The following ANKS1B variants were observed in gnomAD, a reference collection of about 807,000 sequenced individuals.
ANKS1B encodes ankyrin repeat and sterile alpha motif domain-containing protein 1B.
In ANKS1B, 36 loss-of-function variants were observed where a neutral mutation model predicts 148.3. That is an observed-to-expected ratio of 0.24 (90% CI 0.19 to 0.32). ANKS1B has a LOEUF of 0.32. Among genes scored for constraint, ANKS1B ranks in the 10% least tolerant of loss-of-function variants. ANKS1B has a pLI of 1.00. For missense variants in ANKS1B, 1,157 were observed against 1,542.6 expected (o/e 0.75, Z 4.19); for synonymous variants, 542 against 560.8 (o/e 0.97, Z 0.47).
At chr12:99,117,825 C>T (rs1054789270) in intron 15 of ANKS1B, among the ~76,000 whole-genome samples, 1 of 152,098 alleles carries the variant, frequency 6.6e-6, no homozygotes, top group African/African-American at 2.4e-5. Flanking sequence ...TCTGTCTGGT[C>T]CTGGGCTTGT....
At chr12:99,705,967 T>C (rs1302515814) in intron 8 of ANKS1B, among the ~76,000 whole-genome samples, 2 of 152,130 alleles carry the variant, frequency 1.3e-5, no homozygotes, top group East Asian at 3.9e-4. Flanking sequence ...AAATAAAACA[T>C]TGTAATGGAA....
At chr12:99,884,886 T>G (rs2092738281) in intron 1 of ANKS1B, among the ~76,000 whole-genome samples, 1 of 152,044 alleles carries the variant, frequency 6.6e-6, no homozygotes, top group Non-Finnish European at 1.5e-5. Context: ...TAAATTTTAT[T>G]GCATTTTAAC....
chr12:98,737,881 A>AAT (rs1450596296), intron 9 of ANKS1B, among the ~76,000 whole-genome samples: 3 of 152,244 alleles, frequency 2.0e-5, no homozygotes, highest in African/African-American at 7.2e-5. Flanking sequence ...TTTATATTAT[A>AAT]ATTTACTCAC....
chr12:99,147,883 T>C (rs1359627617), intron 15 of ANKS1B, among the ~76,000 whole-genome samples: 2 of 151,748 alleles, frequency 1.3e-5, no homozygotes, highest in South Asian at 4.2e-4. Flanking sequence ...AAATCAGATA[T>C]TGTAAAGAGA....
At chr12:99,682,026 A>T (rs1258533422) in intron 8 of ANKS1B, among the ~76,000 whole-genome samples, 1 of 152,248 alleles carries the variant, frequency 6.6e-6, no homozygotes, top group African/African-American at 2.4e-5. Flanking sequence ...ACAAAGAGGG[A>T]CATTATGTAA....
intron 8 of ANKS1B, among the ~76,000 whole-genome samples, chr12:99,730,440 G>C (rs2059025146): frequency 6.6e-6 from 1 of 152,172 alleles, no homozygotes; most frequent in Admixed American, 6.6e-5. Context: ...ATGAACAGTA[G>C]CCTCCAACTT....
chr12:99,422,680 A>G (rs553983338), intron 11 of ANKS1B, among the ~76,000 whole-genome samples: 2 of 152,314 alleles, frequency 1.3e-5, no homozygotes, highest in Non-Finnish European at 2.9e-5. Flanking sequence ...AAAAGGAAGA[A>G]GAAGAGAGAG....
chr12:99,249,747 T>C (rs1350617685), intron 12 of ANKS1B, among the ~76,000 whole-genome samples: 2 of 152,124 alleles, frequency 1.3e-5, no homozygotes, highest in Non-Finnish European at 2.9e-5. Context: ...CCTCACAGCG[T>C]GGCCATGTGC....
At chr12:99,506,924 G>A (rs1231567739) in intron 9 of ANKS1B, among the ~76,000 whole-genome samples, 1 of 151,872 alleles carries the variant, frequency 6.6e-6, no homozygotes, top group Non-Finnish European at 1.5e-5. Flanking sequence ...GAGTCCAACA[G>A]GTTACTATAA....
intron 9 of ANKS1B, among the ~76,000 whole-genome samples, chr12:99,573,446 T>C (rs1159847940): frequency 6.6e-6 from 1 of 152,054 alleles, no homozygotes; most frequent in East Asian, 1.9e-4. Context: ...AAATGAATGT[T>C]TTATCTTTTT....
chr12:98,933,804 T>C (rs2099815966), intron 17 of ANKS1B, among the ~76,000 whole-genome samples: 1 of 152,110 alleles, frequency 6.6e-6, no homozygotes, highest in Non-Finnish European at 1.5e-5. Flanking sequence ...TTTGGAGAAA[T>C]GTCTATTCAA....
At chr12:99,805,532 C>T (rs373227674) in intron 4 of ANKS1B, among the ~76,000 whole-genome samples, 9 of 152,036 alleles carry the variant, frequency 5.9e-5, no homozygotes, top group African/African-American at 1.9e-4. Flanking sequence ...GAGGCTGAGG[C>T]AGGAGGATCA....
chr12:99,276,694 C>T (rs756126090), intron 12 of ANKS1B, among the ~76,000 whole-genome samples: 1 of 152,158 alleles, frequency 6.6e-6, no homozygotes, highest in Non-Finnish European at 1.5e-5. Flanking sequence ...AAAGTATACA[C>T]CATTTTTAAA....
chr12:99,495,140 A>G (rs905666431), intron 10 of ANKS1B, among the ~76,000 whole-genome samples: 4 of 152,166 alleles, frequency 2.6e-5, no homozygotes, highest in Admixed American at 6.6e-5. Flanking sequence ...ATGAATGTTT[A>G]CCTTGTTATT....
chr12:98,913,297 G>A (rs145421849), intron 17 of ANKS1B, among the ~76,000 whole-genome samples: 224 of 152,256 alleles, frequency 1.5e-3, no homozygotes, highest in African/African-American at 5.2e-3. Context: ...GCTAAATCCA[G>A]TTCCTAGCTT....
At chr12:99,179,123 TAGGAAGG>T (rs758937918) in intron 14 of ANKS1B, among the ~76,000 whole-genome samples, 194 of 152,180 alleles carry the variant, frequency 1.3e-3, no homozygotes, top group Non-Finnish European at 2.3e-3. Context: ...AAAATGGGCT[TAGGAAGG>T]ATATAAATTT....
chr12:98,896,549 C>T (rs1215872147), intron 17 of ANKS1B, among the ~76,000 whole-genome samples: 1 of 152,228 alleles, frequency 6.6e-6, no homozygotes, highest in East Asian at 1.9e-4. Flanking sequence ...CCACTGTCTG[C>T]TTCTGTGAGG....
intron 9 of ANKS1B, among the ~76,000 whole-genome samples, chr12:99,600,558 C>T (rs2097792303): frequency 1.3e-5 from 2 of 151,986 alleles, no homozygotes; most frequent in Non-Finnish European, 2.9e-5. Context: ...CAGGTGCTTC[C>T]GTGGTCATCA....
chr12:99,556,210 G>A (rs925565776), intron 9 of ANKS1B, among the ~76,000 whole-genome samples: 1 of 152,126 alleles, frequency 6.6e-6, no homozygotes, highest in African/African-American at 2.4e-5. Context: ...GTTCTCGATT[G>A]TGTATGCAGA....
Sources: gnomAD v4.1 joint callset for allele counts (sites outside exome capture counted in the v4.1 genomes callset) on GRCh38, gnomAD v4.1.1 for gene constraint, MANE v1.5 for transcripts, NCBI Gene and HGNC (gene_info 2026-07-23, HGNC 2026-07-21) for gene names.